CCDC88C: variants seen among roughly 807,000 people sequenced by gnomAD.
CCDC88C encodes the protein protein Daple.
CCDC88C carries 131 observed loss-of-function variants against 198.8 expected under a neutral mutation model. The ratio of observed to expected loss-of-function variants is 0.66; its 90% CI spans 0.57 to 0.76. CCDC88C has a LOEUF of 0.76. Ranked by LOEUF, CCDC88C falls within the 30% of genes least tolerant of loss-of-function variation. CCDC88C has a pLI of 0.00. For synonymous variants in CCDC88C, 1,166 were observed against 1,114.7 expected, an observed-to-expected ratio of 1.05 and a Z score of -0.92; for missense variants, 2,553 against 2,631.6, an observed-to-expected ratio of 0.97 and a Z score of 0.65.
At chr14:91,402,458 TG>T (rs1391745701) in intron 3 of CCDC88C, among the ~76,000 whole-genome samples, 1 of 152,206 alleles carries the variant, frequency 6.6e-6, no homozygotes, top group African/African-American at 2.4e-5. Context: ...TTACAGGCAG[TG>T]TGCTGCCGTT....
rs536988028 is a variant in CCDC88C at position 91,320,539 on chromosome 14, G to T, written c.1527+581C>A. 1.2e-4 allele frequency among the ~76,000 whole-genome samples: 18 copies of T among 152,338 alleles called. No individual in the cohort carries two copies. In the South Asian group the frequency reaches 3.7e-3, roughly 32 times the overall value. ...GGCAATAGCGGAGCCCACGAAGGGG[G>T]TGGTGGGAACCTCTGATCTGCAGCC... On this transcript the variant is annotated intron_variant, in intron 13 of 29. Transcript: ENST00000389857.
At chr14:91,277,893 C>CGTCT (rs1890029187) in intron 29 of CCDC88C, 29 bp downstream of exon 29, 2 of 1,460,676 alleles carry the variant, frequency 1.4e-6, no homozygotes, top group Non-Finnish European at 1.8e-6. Context: ...GGAAGAGAGA[C>CGTCT]GGGCCAAGTC....
intron 3 of CCDC88C, among the ~76,000 whole-genome samples, chr14:91,400,193 G>T (rs371210207): frequency 1.9e-3 from 288 of 152,324 alleles, no homozygotes; most frequent in African/African-American, 6.6e-3. Context: ...GAGAGGACAA[G>T]AAAGAGAAAC....
intron 19 of CCDC88C, among the ~76,000 whole-genome samples, chr14:91,305,095 A>T (rs1891503516): frequency 2.0e-5 from 3 of 152,038 alleles, no homozygotes. Flanking sequence ...TACAAAAATT[A>T]GCCAAGGCAC....
chr14:91,359,118 C>T (rs1002730286), intron 4 of CCDC88C, among the ~76,000 whole-genome samples: 12 of 151,196 alleles, frequency 7.9e-5, no homozygotes, highest in Non-Finnish European at 1.6e-4. Context: ...GGTGGCCTCA[C>T]TGGCCTCTGC....
chr14:91,339,358 G>C lies in CCDC88C; in HGVS notation c.729C>G (p.Ser243Arg), dbSNP rs573419549. ...GGTGCTGCTTGTCTTCGCTAGAGAG[G>C]CTGCTGGTGGGGCTGGGAGTGGAGT... ...SADSTPSPTS[S>R]LSSEDKQHLA... Residue 243 changes from serine (S) to arginine (R), a missense_variant, in exon 8 of 30, where the codon AGC becomes AGG. Transcript: ENST00000389857. The surrounding 1 kb of genome is among the most constrained non-coding windows in gnomAD (Gnocchi z 5.8). The C allele has an allele frequency of 1.2e-6, 2 of 1,613,894 alleles. No homozygotes were observed. Among genetic ancestry groups the C allele is most frequent in the African/African-American group, 2.7e-5 (2 of 75,066 alleles).
intron 23 of CCDC88C, among the ~76,000 whole-genome samples, chr14:91,292,077 C>T (rs1890685113): frequency 6.6e-6 from 1 of 152,168 alleles, no homozygotes; most frequent in East Asian, 1.9e-4. Flanking sequence ...ACAGCTCATT[C>T]TCGAAGCTGC....
chr14:91,349,473 A>C (rs1199432011), intron 4 of CCDC88C, among the ~76,000 whole-genome samples: 1 of 152,224 alleles, frequency 6.6e-6, no homozygotes, highest in Non-Finnish European at 1.5e-5. Flanking sequence ...CAGAGGGAGA[A>C]ACGGGGGCAG....
At chr14:91,310,082 C>A (rs891099498) in intron 15 of CCDC88C, 96 bp from the exon 16 acceptor site, 1 of 1,290,848 alleles carries the variant, frequency 7.7e-7, no homozygotes, top group African/African-American at 1.5e-5. Context: ...ACTGTCCTCC[C>A]GGGCCACGGC....
At chr14:91,379,745 G>A (rs756676220) in intron 3 of CCDC88C, 5 of 680,998 alleles carry the variant, frequency 7.3e-6, no homozygotes, top group Non-Finnish European at 1.3e-5. Context: ...GCCAGGCCTG[G>A]CAGCCACACC....
At chr14:91,392,457 G>A (rs1429233367) in intron 3 of CCDC88C, among the ~76,000 whole-genome samples, 1 of 152,132 alleles carries the variant, frequency 6.6e-6, no homozygotes, top group Non-Finnish European at 1.5e-5. Context: ...AAAGAGAAAC[G>A]AGAGAGGCTT....
At chr14:91,299,809 C>T (rs980640537) in intron 21 of CCDC88C, 118 bp downstream of exon 21, 18 of 1,327,126 alleles carry the variant, frequency 1.4e-5, no homozygotes, top group Non-Finnish European at 1.8e-5. Context: ...GTTCACACAG[C>T]AAGGGATAAA....
chr14:91,297,619 T>A, intron 21 of CCDC88C, 128 bp from the exon 22 acceptor site: 3 of 831,576 alleles, frequency 3.6e-6, no homozygotes, highest in Non-Finnish European at 5.3e-6. Context: ...AATCACAACC[T>A]CTCTGGGCTT....
In CCDC88C at chr14:91,407,466, CAT is replaced by C. The variant is rs1413802634; in HGVS notation, c.270+1191_270+1192del. ...ACAGGTCCCAGGCGGAGTCTGGTCA[CAT>C]GTTTAGTGAAACGCTGGCGTGAATC... On this transcript the variant is annotated intron_variant, in intron 3 of 29. Transcript: ENST00000389857. Among the ~76,000 whole-genome samples, 4 of 152,322 alleles carry C rather than the reference CAT, an allele frequency of 2.6e-5. No individual in the cohort carries two copies. In the East Asian group the frequency reaches 7.7e-4, roughly 29 times the overall value.
At chr14:91,300,127 A>G (rs1333301007) in intron 20 of CCDC88C, 57 bp from the exon 21 acceptor site, 4 of 1,570,946 alleles carry the variant, frequency 2.5e-6, no homozygotes, top group East Asian at 4.7e-5. Context: ...TCCGACAGGT[A>G]ACTCACATCC....
chr14:91,369,000 C>T (rs1234120812), intron 3 of CCDC88C, among the ~76,000 whole-genome samples: 1 of 152,160 alleles, frequency 6.6e-6, no homozygotes, highest in Non-Finnish European at 1.5e-5. Context: ...GCGAGGTGGC[C>T]AGGACAAGAA....
chr14:91,274,062 G>T (rs992894990), intron 29 of CCDC88C, among the ~76,000 whole-genome samples: 1 of 151,944 alleles, frequency 6.6e-6, no homozygotes, highest in African/African-American at 2.4e-5. Flanking sequence ...TTCCTTCCCC[G>T]GTCACCCCGG....
intron 22 of CCDC88C, 83 bp downstream of exon 22, chr14:91,297,222 C>G (rs949831650): frequency 7.3e-7 from 1 of 1,361,324 alleles, no homozygotes; most frequent in African/African-American, 1.4e-5. Context: ...CCATGAGGAC[C>G]CCTCACAGCT....
intron 27 of CCDC88C, 79 bp from the exon 28 acceptor site, chr14:91,279,385 GC>G: frequency 8.2e-7 from 1 of 1,220,928 alleles, no homozygotes; most frequent in Non-Finnish European, 1.2e-6. Context: ...GAAAAACGAT[GC>G]AGCAAAACAA....
Sources: allele counts gnomAD v4.1 joint callset (sites outside exome capture counted in the v4.1 genomes callset), GRCh38; gene constraint gnomAD v4.1.1; non-coding constraint Gnocchi (gnomAD v3.1); transcripts MANE v1.5; gene names NCBI Gene and HGNC (gene_info 2026-07-23, HGNC 2026-07-21).